Variants in KCNIP4 observed in about 807,000 individuals in gnomAD.
KCNIP4 encodes Kv channel-interacting protein 4.
Under a neutral mutation model 34.0 loss-of-function variants are expected in KCNIP4, and 12 were observed. The observed-to-expected ratio is 0.35, with a 90% confidence interval of 0.23 to 0.57. The LOEUF (loss-of-function observed/expected upper bound fraction) is 0.57. KCNIP4 is among the 20% of genes least tolerant of loss of function. The probability of loss-of-function intolerance (pLI) is 0.83; values close to 1 mark genes in which losing one functional copy is unlikely to be tolerated. For missense variants in KCNIP4, 238 were observed against 311.7 expected (o/e 0.76, Z 1.78); for synonymous variants, 124 against 102.2 (o/e 1.21, Z -1.29).
intron 1 of KCNIP4, among the ~76,000 whole-genome samples, chr4:20,923,379 T>A (rs1358617082): frequency 6.6e-6 from 1 of 152,212 alleles, no homozygotes; most frequent in Non-Finnish European, 1.5e-5. Context: ...AACATTTTCT[T>A]GTCATTTTTT....
intron 1 of KCNIP4, among the ~76,000 whole-genome samples, chr4:21,605,629 C>T (rs796786574): frequency 2.8e-4 from 42 of 151,996 alleles, no homozygotes; most frequent in Admixed American, 1.4e-3. Flanking sequence ...TACAGGTGCC[C>T]GCCACCACAC....
chr4:21,668,818 A>T (rs1749235258), intron 1 of KCNIP4, among the ~76,000 whole-genome samples: 1 of 141,624 alleles, frequency 7.1e-6, no homozygotes, highest in Non-Finnish European at 1.5e-5. Flanking sequence ...ACACAGTGAG[A>T]AGTATATACT....
chr4:21,553,647 A>C (rs1361258728), intron 1 of KCNIP4, among the ~76,000 whole-genome samples: 1 of 152,112 alleles, frequency 6.6e-6, no homozygotes, highest in Non-Finnish European at 1.5e-5. Flanking sequence ...CTGAGTTTTA[A>C]TTTAGTCGGT....
At chr4:21,856,385 A>T (rs2109343727) in intron 1 of KCNIP4, among the ~76,000 whole-genome samples, 1 of 152,354 alleles carries the variant, frequency 6.6e-6, no homozygotes, top group Non-Finnish European at 1.5e-5. Context: ...AAATTTTAGT[A>T]AACATCTTAT....
intron 1 of KCNIP4, among the ~76,000 whole-genome samples, chr4:21,354,116 C>G (rs1718311208): frequency 6.6e-6 from 1 of 152,242 alleles, no homozygotes; most frequent in South Asian, 2.1e-4. Flanking sequence ...TTTGTCACCA[C>G]CAGGCCTGCC....
intron 1 of KCNIP4, among the ~76,000 whole-genome samples, chr4:21,312,267 A>G (rs539396197): frequency 6.6e-6 from 1 of 152,328 alleles, no homozygotes; most frequent in African/African-American, 2.4e-5. Context: ...ATACATATGT[A>G]TTGACTCGTG....
chr4:20,933,411 T>A (rs187169484), intron 1 of KCNIP4, among the ~76,000 whole-genome samples: 12 of 152,280 alleles, frequency 7.9e-5, no homozygotes, highest in Admixed American at 2.6e-4. Flanking sequence ...GATAAGTAAA[T>A]GTTCTAAGTT....
At chr4:20,817,762 T>C (rs980982710) in intron 3 of KCNIP4, among the ~76,000 whole-genome samples, 3 of 152,056 alleles carry the variant, frequency 2.0e-5, no homozygotes, top group Non-Finnish European at 2.9e-5. Flanking sequence ...GCAATTACTA[T>C]GGATTTTAAA....
chr4:20,736,396 AT>A (rs769447689), intron 5 of KCNIP4, among the ~76,000 whole-genome samples: 5 of 152,088 alleles, frequency 3.3e-5, no homozygotes, highest in African/African-American at 4.8e-5. Context: ...TAAATGAGAT[AT>A]TTTTTTCTAT....
intron 1 of KCNIP4, among the ~76,000 whole-genome samples, chr4:21,490,380 T>G (rs1732286418): frequency 6.6e-6 from 1 of 152,152 alleles, no homozygotes. Context: ...CATAAATCTC[T>G]GTTCCTTTCC....
At chr4:21,822,982 C>T (rs1407951815) in intron 1 of KCNIP4, among the ~76,000 whole-genome samples, 1 of 151,818 alleles carries the variant, frequency 6.6e-6, no homozygotes, top group Non-Finnish European at 1.5e-5. Context: ...CTCCCAAAGT[C>T]CTGGGATTAC....
chr4:21,447,104 C>T, intron 1 of KCNIP4, among the ~76,000 whole-genome samples: 1 of 152,114 alleles, frequency 6.6e-6, no homozygotes, highest in African/African-American at 2.4e-5. Flanking sequence ...TTAGCCAATT[C>T]TTTAAAATAA....
At chr4:21,618,630 C>CTTTTTCTTTTTTTTTTTTTTTTTTTTTTT (rs1280886806) in intron 1 of KCNIP4, among the ~76,000 whole-genome samples, 2 of 81,790 alleles carry the variant, frequency 2.4e-5, no homozygotes, top group African/African-American at 4.9e-5. Flanking sequence ...TTTTCTTTTT[C>CTTTTTCTTTTTTTTTTTTTTTTTTTTTTT]TTTTTTTTTT....
intron 3 of KCNIP4, among the ~76,000 whole-genome samples, chr4:20,826,134 T>C (rs1441040317): frequency 6.6e-6 from 1 of 152,128 alleles, no homozygotes; most frequent in Non-Finnish European, 1.5e-5. Flanking sequence ...TCAAAAAGTT[T>C]TGAGGAGAAG....
At chr4:20,937,530 G>C (rs1184727834) in intron 1 of KCNIP4, among the ~76,000 whole-genome samples, 1 of 147,264 alleles carries the variant, frequency 6.8e-6, no homozygotes, top group African/African-American at 2.5e-5. Flanking sequence ...CACCGTGCCT[G>C]GCCCCCAAGG....
At chr4:21,450,973 G>A (rs1361438569) in intron 1 of KCNIP4, among the ~76,000 whole-genome samples, 1 of 152,072 alleles carries the variant, frequency 6.6e-6, no homozygotes, top group Non-Finnish European at 1.5e-5. Context: ...TTAAACTTTA[G>A]ATATTCTGCT....
At chr4:21,838,435 C>G (rs1292929109) in intron 1 of KCNIP4, among the ~76,000 whole-genome samples, 1 of 152,174 alleles carries the variant, frequency 6.6e-6, no homozygotes, top group Non-Finnish European at 1.5e-5. Context: ...CCCACTGGAA[C>G]AATAATGAGA....
chr4:21,946,962 C>T lies in KCNIP4; in HGVS notation c.61+1609G>A, dbSNP rs1048161127. Reference sequence around the variant, plus strand: ...TGACCCTGTGCATAGTCTAGACATGCTGATTCAATCCCCATCCGGTTGATG... The same window carrying T: ...TGACCCTGTGCATAGTCTAGACATGTTGATTCAATCCCCATCCGGTTGATG... On this transcript the variant is annotated intron_variant, in intron 1 of 8. Coordinates refer to ENST00000382152, the MANE Select transcript of KCNIP4 (RefSeq NM_025221.6). Among the ~76,000 whole-genome samples, 89 of 152,248 alleles carry T rather than the reference C, an allele frequency of 5.8e-4. 3 individuals carry two copies. Among genetic ancestry groups the T allele is most frequent in the Middle Eastern group, 3.4e-3 (1 of 294 alleles).
intron 1 of KCNIP4, among the ~76,000 whole-genome samples, chr4:20,967,251 G>A (rs970180287): frequency 6.6e-6 from 1 of 151,988 alleles, no homozygotes; most frequent in Non-Finnish European, 1.5e-5. Context: ...ATGAACATGG[G>A]CCTGCCTCTT....
Sources: gnomAD v4.1 joint callset for allele counts (sites outside exome capture counted in the v4.1 genomes callset) on GRCh38, gnomAD v4.1.1 for gene constraint, MANE v1.5 for transcripts, NCBI Gene and HGNC (gene_info 2026-07-23, HGNC 2026-07-21) for gene names.